BCAM: variants seen among roughly 807,000 people sequenced by gnomAD.
BCAM encodes the protein basal cell adhesion molecule.
Under a neutral mutation model 72.4 loss-of-function variants are expected in BCAM, and 61 were observed. The ratio of observed to expected loss-of-function variants is 0.84; its 90% confidence interval spans 0.69 to 1.04. BCAM has a LOEUF of 1.04. Among genes scored for constraint, BCAM ranks in the 50% least tolerant of loss-of-function variants. BCAM has a pLI of 0.00. For synonymous variants in BCAM, 408 were observed against 384.2 expected, an observed-to-expected ratio of 1.06 and a Z score of -0.73; for missense variants, 909 against 895.0, an observed-to-expected ratio of 1.02 and a Z score of -0.20.
Position 44,815,526 on chromosome 19 carries a change from A to G in BCAM, c.1078+766A>G, listed in dbSNP as rs143807488. ...ATCTACAGGTGATATCACCAGTGAG[A>G]GAGAGCAGGAGAGGGGATTATTTTA... is the stretch of plus-strand genomic sequence containing the variant. On this transcript the variant is annotated intron_variant, in intron 8 of 14. Coordinates refer to ENST00000270233, the MANE Select transcript of BCAM (RefSeq NM_005581.5). Among the ~76,000 whole-genome samples the G allele has an allele frequency of 2.0e-5, 3 of 152,310 alleles. No individual in the cohort carries two copies. In the East Asian group the frequency reaches 5.8e-4, roughly 29 times the overall value.
At position 44,813,281 on chromosome 19, in the gene BCAM, C is replaced by T. The variant is rs1480194591; in HGVS notation, c.536C>T (p.Pro179Leu). 7 of 1,614,004 alleles carry T rather than the reference C, an allele frequency of 4.3e-6. No homozygotes were observed. Among genetic ancestry groups the T allele is most frequent in the East Asian group, 2.2e-5 (1 of 44,900 alleles). ...IATCNSRNGN[P>L]APKITWYRNG... ...ACCTGCAACAGCCGGAACGGGAACC[C>T]GGCCCCCAAGATCACGTGGTATCGC... The change falls in exon 5 of 15, where the codon CCG becomes CTG. Residue 179 changes from proline (P) to leucine (L), a missense_variant. Physicochemically the swap from Pro to Leu is moderately conservative, Grantham distance 98. Transcript: ENST00000270233. This position sits in a 1 kb window ranked among gnomAD's most constrained non-coding sequence, Gnocchi z 4.2.
Position 44,812,296 on chromosome 19 carries a change from C to G in BCAM, c.338C>G (p.Ala113Gly). The G allele has an allele frequency of 6.2e-7, 1 of 1,611,960 alleles. No homozygotes were observed. The highest frequency in any genetic ancestry group is 8.5e-7 in the Non-Finnish European group (1 of 1,178,646). ...GACTCCCAGGGGCGCCTGGTGCTGG[C>G]TGAGGCCCAGGTGGGCGACGAGCGA... ...QLDSQGRLVL[A>G]EAQVGDERDY... is the part of the protein sequence containing the mutation. The change falls in exon 3 of 15, where the codon GCT becomes GGT. Residue 113 changes from alanine (A) to glycine (G), a missense_variant. By Grantham distance (60) the Ala-to-Gly change is moderately conservative. Coordinates refer to ENST00000270233, the MANE Select transcript of BCAM (RefSeq NM_005581.5). The surrounding 1 kb of genome is among the most constrained non-coding windows in gnomAD (Gnocchi z 5.3).
Position 44,821,095 on chromosome 19 carries a change from C to T in BCAM, c.*174C>T, listed in dbSNP as rs1316545521. On this transcript the variant is annotated 3_prime_UTR_variant, in exon 15 of 15. Coordinates refer to ENST00000270233, the MANE Select transcript of BCAM (RefSeq NM_005581.5). Reference sequence around the variant, plus strand: ...GGGACCCACAGTGGCTGCCTGCCTCCGGGAGGGAAGGAGAGGGAGGGTGGG... The same window carrying T: ...GGGACCCACAGTGGCTGCCTGCCTCTGGGAGGGAAGGAGAGGGAGGGTGGG... 7 of 328,162 alleles carry T rather than the reference C, an allele frequency of 2.1e-5. No homozygotes were observed. The highest frequency in any genetic ancestry group is 1.4e-4 in the East Asian group (1 of 7,262). 20.3% of individuals were successfully genotyped at this position (328,162 alleles called of 1,614,324 possible).
At chr19:44,810,886 C>T (rs570899990) in intron 1 of BCAM, among the ~76,000 whole-genome samples, 4 of 151,156 alleles carry the variant, frequency 2.6e-5, no homozygotes, top group East Asian at 2.0e-4. Context: ...GGATGGAGGG[C>T]GAAAGGATCT....
At position 44,820,792 on chromosome 19, in the gene BCAM, CA is replaced by C. The variant is rs1177381505; in HGVS notation, c.1852del (p.Arg618GlyfsTer17). 2 of 1,510,820 alleles carry C rather than the reference CA, an allele frequency of 1.3e-6. No individual in the cohort carries two copies. Among genetic ancestry groups the C allele is most frequent in the Non-Finnish European group, 1.8e-6 (2 of 1,126,338 alleles). 93.6% of individuals were successfully genotyped at this position (1,510,820 alleles called of 1,614,324 possible). ...TCATGGGAGGTGCCTCCGGAGGAGC[CA>C]GGGGTGGCAGCGGGGGCTTCGGAGA... ...LLMGGASGGA[R>X]GGSGGFGDEC On this transcript the variant is annotated frameshift_variant, in exon 14 of 15. Transcript: ENST00000270233. LOFTEE classifies it high-confidence loss of function.
Position 44,813,252 on chromosome 19 carries a change from C to G in BCAM, c.507C>G (p.Ile169Met). 2.5e-6 allele frequency: 4 copies of G among 1,614,012 alleles called. No individual in the cohort carries two copies. In the South Asian group the frequency reaches 4.4e-5, roughly 18 times the overall value. The change falls in exon 5 of 15, where the codon ATC (isoleucine) becomes ATG (methionine). Residue 169 changes from isoleucine to methionine, a missense_variant and splice_region_variant. Physicochemically the swap from Ile to Met is conservative, Grantham distance 10. Transcript: ENST00000270233. The surrounding 1 kb of genome is among the most constrained non-coding windows in gnomAD (Gnocchi z 4.2). ...GGCCATGCCCGTGTCTGCCTCAGAT[C>G]GCCACCTGCAACAGCCGGAACGGGA... ...LSVMEDSAQEIATCNSRNGNP... is the reference protein window; with the variant it reads ...LSVMEDSAQEMATCNSRNGNP...
In BCAM at chr19:44,813,304, C is replaced by T. The variant is rs780286955; in HGVS notation, c.559C>T (p.Arg187Cys). 6.8e-5 allele frequency: 109 copies of T among 1,613,968 alleles called. No homozygotes were observed. The highest frequency in any genetic ancestry group is 8.3e-5 in the Non-Finnish European group (98 of 1,180,020). Reference sequence around the variant, plus strand: ...CCCGGCCCCCAAGATCACGTGGTATCGCAACGGGCAGCGCCTGGAGGTGCC... The same window carrying T: ...CCCGGCCCCCAAGATCACGTGGTATTGCAACGGGCAGCGCCTGGAGGTGCC... ...GNPAPKITWY[R>C]NGQRLEVPVE... Residue 187 changes from arginine (R) to cysteine (C), a missense_variant, in exon 5 of 15, where the codon CGC becomes TGC. By Grantham distance (180) the Arg-to-Cys change is radical. Coordinates refer to ENST00000270233, the MANE Select transcript of BCAM (RefSeq NM_005581.5). The surrounding 1 kb of genome is among the most constrained non-coding windows in gnomAD (Gnocchi z 4.2).
chr19:44,818,446 C>A lies in BCAM; in HGVS notation c.1079-76C>A, dbSNP rs1014702531. 23 of 1,189,710 alleles carry A rather than the reference C, an allele frequency of 1.9e-5. No individual in the cohort carries two copies. In the African/African-American group the frequency reaches 3.2e-4, roughly 16 times the overall value. The allele number at this position is 1,189,710 out of a possible 1,614,324, so 73.7% of individuals were successfully genotyped here. On this transcript the variant is annotated intron_variant, in intron 8 of 14. Transcript: ENST00000270233. The surrounding 1 kb of genome is among the most constrained non-coding windows in gnomAD (Gnocchi z 4.6). ...TCCAACTGTCCATTCATGTTTGCACCCCCGACCGCCCCTGGAGAGCCCCTA... is the reference window on the plus strand; with the variant it reads ...TCCAACTGTCCATTCATGTTTGCACACCCGACCGCCCCTGGAGAGCCCCTA...
chr19:44,810,728 G>C (rs2054900338), intron 1 of BCAM, among the ~76,000 whole-genome samples: 1 of 152,214 alleles, frequency 6.6e-6, no homozygotes, highest in Non-Finnish European at 1.5e-5. Flanking sequence ...GGTGGCGTGT[G>C]CTCTGTTGGG....
At position 44,819,467 on chromosome 19, in the gene BCAM, G is replaced by T. The variant is rs140735488; in HGVS notation, c.1595G>T (p.Arg532Leu). 53 of 1,613,962 alleles carry T rather than the reference G, an allele frequency of 3.3e-5. No individual in the cohort carries two copies. In the East Asian group the frequency reaches 1.1e-3, roughly 35 times the overall value. Residue 532 changes from arginine (R) to leucine (L), a missense_variant, in exon 12 of 15, where the codon CGC becomes CTC. Physicochemically the swap from Arg to Leu is moderately radical, Grantham distance 102 (BLOSUM62 -2). Transcript: ENST00000270233. ...GCCTCCAACCCCCACGGGAACAAGC[G>T]CCATGTCTTCCACTTCGGCACCGGT... ...CEASNPHGNKRHVFHFGTVSP... is the reference protein window; with the variant it reads ...CEASNPHGNKLHVFHFGTVSP...
In BCAM at chr19:44,818,853, G is replaced by T. The variant is rs376225549; in HGVS notation, c.1307G>T (p.Arg436Leu). The change falls in exon 10 of 15, where the codon CGC becomes CTC. Residue 436 changes from arginine (R) to leucine (L), a missense_variant. By Grantham distance (102) the Arg-to-Leu change is moderately radical. Transcript: ENST00000270233. This position sits in a 1 kb window ranked among gnomAD's most constrained non-coding sequence, Gnocchi z 4.6. The part of the protein sequence containing the change: ...ASLPTVPVLS[R>L]TQNFTLLVQG... The stretch of plus-strand genomic sequence containing the variant: ...CTGCCCACAGTCCCGGTCCTCAGCC[G>T]CACCCAGAACTTCACGCTGCTGGTC... The T allele has an allele frequency of 6.2e-7, 1 of 1,614,066 alleles. No individual in the cohort carries two copies.
At chr19:44,820,191 A>C (rs1968565688) in intron 13 of BCAM, 3 of 962,070 alleles carry the variant, frequency 3.1e-6, no homozygotes, top group Non-Finnish European at 3.6e-6. Context: ...CAGCCCCAAC[A>C]CCCATCATCC....
chr19:44,820,431 C>T (rs1226544596), intron 13 of BCAM: 2 of 1,211,582 alleles, frequency 1.7e-6, no homozygotes, highest in African/African-American at 1.6e-5. Flanking sequence ...CCGTCCTCAC[C>T]TCCAATCCGT....
intron 1 of BCAM, among the ~76,000 whole-genome samples, chr19:44,809,755 GC>G: frequency 6.6e-6 from 1 of 152,134 alleles, no homozygotes; most frequent in East Asian, 1.9e-4. Flanking sequence ...TGGAGCACCA[GC>G]CCCGGGCAGT....
rs771656850 is a variant in BCAM at position 44,813,330 on chromosome 19, C to G, written c.585C>G (p.Pro195=). ...GCAACGGGCAGCGCCTGGAGGTGCC[C>G]GTAGAGATGAACCCAGGTGAGCAGC... The part of the protein sequence containing the change: ...WYRNGQRLEV[P]VEMNPEGYMT... The change falls in exon 5 of 15, where the codon CCC becomes CCG. Residue 195 remains proline, a synonymous_variant. Transcript: ENST00000270233. This position sits in a 1 kb window ranked among gnomAD's most constrained non-coding sequence, Gnocchi z 4.2. 6.2e-7 allele frequency: 1 copy of G among 1,613,930 alleles called. No homozygotes were observed. The highest frequency in any genetic ancestry group is 8.5e-7 in the Non-Finnish European group (1 of 1,179,960).
Position 44,813,533 on chromosome 19 carries a change from G to T in BCAM, c.697G>T (p.Ala233Ser), listed in dbSNP as rs144233028. The T allele has an allele frequency of 1.8e-5, 29 of 1,612,534 alleles. No homozygotes were observed. The highest frequency in any genetic ancestry group is 4.0e-5 in the African/African-American group (3 of 75,038). ...GCGGCTCCGCAAGGATGACCGAGACGCCAGCTTCCACTGCGCCGCCCACTA... is the reference window on the plus strand; with the variant it reads ...GCGGCTCCGCAAGGATGACCGAGACTCCAGCTTCCACTGCGCCGCCCACTA... ...YLRLRKDDRD[A>S]SFHCAAHYSL... Residue 233 changes from alanine to serine, a missense_variant, in exon 6 of 15, where the codon GCC (alanine) becomes TCC (serine). Coordinates refer to ENST00000270233, the MANE Select transcript of BCAM (RefSeq NM_005581.5). This position sits in a 1 kb window ranked among gnomAD's most constrained non-coding sequence, Gnocchi z 4.2.
chr19:44,812,963 A>G lies in BCAM; in HGVS notation c.505-287A>G. The G allele has an allele frequency of 2.3e-6, 1 of 425,586 alleles. No individual in the cohort carries two copies. Among genetic ancestry groups the G allele is most frequent in the Non-Finnish European group, 4.1e-6 (1 of 243,112 alleles). 26.4% of individuals were successfully genotyped at this position (425,586 alleles called of 1,614,324 possible). ...ATACTCCGTCTCAAAAAAAAAAAAA[A>G]AAAGAAGAAGAAAAGAAAAAAGAAA... On this transcript the variant is annotated intron_variant, in intron 4 of 14. Transcript: ENST00000270233. The surrounding 1 kb of genome is among the most constrained non-coding windows in gnomAD (Gnocchi z 5.3).
At position 44,813,689 on chromosome 19, in the gene BCAM, G is replaced by C. The variant is rs554037196; in HGVS notation, c.784+69G>C. 3.2e-6 allele frequency: 5 copies of C among 1,540,052 alleles called. No homozygotes were observed. Among genetic ancestry groups the C allele is most frequent in the East Asian group, 2.3e-5 (1 of 44,066 alleles). On this transcript the variant is annotated intron_variant, in intron 6 of 14. Coordinates refer to ENST00000270233, the MANE Select transcript of BCAM (RefSeq NM_005581.5). The surrounding 1 kb of genome is among the most constrained non-coding windows in gnomAD (Gnocchi z 4.2). ...CCTCATGAGGCCTGACCCTCCACCC[G>C]GGGGCTTCACACTCCCCTCTGACCC...
chr19:44,819,403 G>T lies in BCAM; in HGVS notation c.1531G>T (p.Val511Leu). Residue 511 changes from valine (V) to leucine (L), a missense_variant, in exon 12 of 15, where the codon GTG (valine) becomes TTG (leucine). Transcript: ENST00000270233. ...GWVSSSLTLK[V>L]TSALSRDGIS... ...GGTGAGCAGCTCTCTGACCCTGAAAGTGACCAGCGCCCTGAGCCGCGATGG... is the reference window on the plus strand; with the variant it reads ...GGTGAGCAGCTCTCTGACCCTGAAATTGACCAGCGCCCTGAGCCGCGATGG... 1 of 1,614,078 alleles carries T rather than the reference G, an allele frequency of 6.2e-7. No homozygotes were observed. The highest frequency in any genetic ancestry group is 1.7e-4 in the Middle Eastern group (1 of 6,056).
Sources: gnomAD v4.1 joint callset for allele counts (sites outside exome capture counted in the v4.1 genomes callset) on GRCh38, gnomAD v4.1.1 for gene constraint, Gnocchi (gnomAD v3.1) non-coding constraint, MANE v1.5 for transcripts, NCBI Gene and HGNC (gene_info 2026-07-23, HGNC 2026-07-21) for gene names.